Variants in GABRA5 observed in about 807,000 individuals in gnomAD.
GABRA5 encodes gamma-aminobutyric acid receptor subunit alpha-5.
Under a neutral mutation model 47.3 loss-of-function variants are expected in GABRA5, and 18 were observed. The observed-to-expected ratio is 0.38, with a 90% CI of 0.26 to 0.56. The LOEUF is 0.56. Among genes scored for constraint, GABRA5 ranks in the 20% least tolerant of loss-of-function variants. The pLI, the probability that GABRA5 is intolerant of heterozygous loss-of-function variation, is 0.71. For synonymous variants in GABRA5, 237 were observed against 229.3 expected, an observed-to-expected ratio of 1.03 and a Z score of -0.30; for missense variants, 365 against 599.3, an observed-to-expected ratio of 0.61 and a Z score of 4.08.
intron 3 of GABRA5, among the ~76,000 whole-genome samples, chr15:26,870,698 G>A (rs771996431): frequency 7.9e-5 from 12 of 152,134 alleles, no homozygotes; most frequent in Admixed American, 2.0e-4. Context: ...CAAGTTCTCT[G>A]CAGCTGCCAA....
intron 3 of GABRA5, among the ~76,000 whole-genome samples, chr15:26,871,673 A>T (rs1035495192): frequency 6.6e-6 from 1 of 152,202 alleles, no homozygotes; most frequent in Middle Eastern, 3.4e-3. Flanking sequence ...TTTTTTATAC[A>T]GTTGGGATCA....
At chr15:26,893,379 A>AGTGTGTGTGTATTGTGT (rs1893076875) in intron 6 of GABRA5, among the ~76,000 whole-genome samples, 2 of 1,350 alleles carry the variant, frequency 1.5e-3, no homozygotes, top group African/African-American at 3.1e-3. Flanking sequence ...GTGTGGCGGG[A>AGTGTGTGTGTATTGTGT]CTATATGGAG....
At chr15:26,947,818 C>A in intron 10 of GABRA5, 116 bp from the exon 11 acceptor site, 1 of 900,340 alleles carries the variant, frequency 1.1e-6, no homozygotes, top group African/African-American at 1.7e-5. Flanking sequence ...GAGGAGGGCC[C>A]TCTCCCAGGC....
chr15:26,884,839 G>T (rs72712067), intron 6 of GABRA5, among the ~76,000 whole-genome samples: 7,578 of 152,314 alleles, frequency 0.05, 217 homozygotes, highest in African/African-American at 0.076. Flanking sequence ...TCATCCTGCT[G>T]CTGTGCACTT....
Position 26,880,827 on chromosome 15 carries a change from T to C in GABRA5, c.87-19T>C, listed in dbSNP as rs1227284687. On this transcript the variant is annotated intron_variant, in intron 3 of 10. Transcript: ENST00000335625. Reference sequence around the variant, plus strand: ...AAATAATATGTTTTAACGCTTCCTCTTGTTTCTCTTTTTAAAAGCTTTTCA... The same window carrying C: ...AAATAATATGTTTTAACGCTTCCTCCTGTTTCTCTTTTTAAAAGCTTTTCA... 1 of 1,610,696 alleles carries C rather than the reference T, an allele frequency of 6.2e-7. No homozygotes were observed. The highest frequency in any genetic ancestry group is 1.1e-5 in the South Asian group (1 of 90,756).
intron 6 of GABRA5, among the ~76,000 whole-genome samples, chr15:26,904,932 A>T (rs543820265): frequency 1.8e-4 from 28 of 152,138 alleles, no homozygotes; most frequent in Non-Finnish European, 3.5e-4. Flanking sequence ...CTTGCTTCCT[A>T]TTAGGATGTC....
chr15:26,945,750 C>T (rs891639000), intron 10 of GABRA5, among the ~76,000 whole-genome samples: 3 of 152,288 alleles, frequency 2.0e-5, no homozygotes, highest in South Asian at 2.1e-4. Context: ...GATTCCAGGG[C>T]GCGTGTAAAT....
intron 6 of GABRA5, among the ~76,000 whole-genome samples, chr15:26,913,791 T>C (rs896180332): frequency 1.3e-5 from 2 of 152,090 alleles, no homozygotes; most frequent in African/African-American, 4.8e-5. Context: ...GTGTGGCGGC[T>C]CTGGGAGTGC....
chr15:26,906,775 G>A (rs1437162639), intron 6 of GABRA5, among the ~76,000 whole-genome samples: 4 of 151,926 alleles, frequency 2.6e-5, no homozygotes, highest in Admixed American at 6.6e-5. Flanking sequence ...GTGTGTAGAC[G>A]CACATAACAA....
At chr15:26,927,270 ATTTT>A (rs11400477) in intron 7 of GABRA5, among the ~76,000 whole-genome samples, 2 of 142,222 alleles carry the variant, frequency 1.4e-5, no homozygotes, top group Non-Finnish European at 3.1e-5. Context: ...TGTCCAGCTA[ATTTT>A]TTTTTTTTTT....
At chr15:26,897,127 T>C (rs950376360) in intron 6 of GABRA5, among the ~76,000 whole-genome samples, 2 of 152,054 alleles carry the variant, frequency 1.3e-5, no homozygotes, top group Non-Finnish European at 1.5e-5. Context: ...AGAGAATACA[T>C]GAGCGTGAAT....
Position 26,937,336 on chromosome 15 carries a change from C to G in GABRA5, c.724+8C>G, listed in dbSNP as rs377729786. ...ACATCAGCACCAGCACAGGTGAGGG[C>G]TCGGCACGCGCTGTGCTGCCAGGCG... On this transcript the variant is annotated splice_region_variant and intron_variant, in intron 8 of 10. Transcript: ENST00000335625. 3.1e-6 allele frequency: 5 copies of G among 1,600,782 alleles called. No individual in the cohort carries two copies. Among genetic ancestry groups the G allele is most frequent in the Non-Finnish European group, 3.4e-6 (4 of 1,173,526 alleles).
At chr15:26,914,910 C>T (rs746525162) in intron 7 of GABRA5, 25 bp downstream of exon 7, 53 of 1,580,868 alleles carry the variant, frequency 3.4e-5, no homozygotes, top group Non-Finnish European at 4.5e-5. Flanking sequence ...CAAGTAAGAG[C>T]CTTGGACATA....
intron 6 of GABRA5, among the ~76,000 whole-genome samples, chr15:26,891,980 G>C (rs886612334): frequency 6.6e-6 from 1 of 152,222 alleles, no homozygotes; most frequent in African/African-American, 2.4e-5. Flanking sequence ...TTGGCCAAGC[G>C]CACCGGGTGG....
chr15:26,888,931 A>G (rs1455277310), intron 6 of GABRA5, among the ~76,000 whole-genome samples: 5 of 152,214 alleles, frequency 3.3e-5, no homozygotes, highest in African/African-American at 9.6e-5. Context: ...CTCTGCCTGC[A>G]CCACGTGGTT....
At chr15:26,936,048 G>A (rs1322695693) in intron 7 of GABRA5, among the ~76,000 whole-genome samples, 2 of 152,116 alleles carry the variant, frequency 1.3e-5, no homozygotes, top group African/African-American at 2.4e-5. Flanking sequence ...TGCTGTTCAC[G>A]TGATAGTGAG....
At chr15:26,929,519 T>G (rs1336024448) in intron 7 of GABRA5, among the ~76,000 whole-genome samples, 1 of 152,186 alleles carries the variant, frequency 6.6e-6, no homozygotes, top group Non-Finnish European at 1.5e-5. Context: ...GGGGATCCCC[T>G]GCCCCTGTAG....
chr15:26,910,461 G>C (rs1241949294), intron 6 of GABRA5, among the ~76,000 whole-genome samples: 1 of 151,962 alleles, frequency 6.6e-6, no homozygotes, highest in South Asian at 2.1e-4. Flanking sequence ...TTAGGTGGGC[G>C]TGATTGCGGA....
At position 26,876,970 on chromosome 15, in the gene GABRA5, G is replaced by A. The variant is rs536722172; in HGVS notation, c.87-3876G>A. Among the ~76,000 whole-genome samples, 31 of 152,302 alleles carry A rather than the reference G, an allele frequency of 2.0e-4. 1 individual carries two copies. The South Asian group carries it at 5.8e-3, about 28-fold the overall frequency. ...TGGCTCTGGCCTGTGGGGCCATAGGGCTTGGGTTTTACCTTGTGGGCAGCA... is the reference window on the plus strand; with the variant it reads ...TGGCTCTGGCCTGTGGGGCCATAGGACTTGGGTTTTACCTTGTGGGCAGCA... On this transcript the variant is annotated intron_variant, in intron 3 of 10. Transcript: ENST00000335625.
Sources: gnomAD v4.1 joint callset for allele counts (sites outside exome capture counted in the v4.1 genomes callset) on GRCh38, gnomAD v4.1.1 for gene constraint, MANE v1.5 for transcripts, NCBI Gene and HGNC (gene_info 2026-07-23, HGNC 2026-07-21) for gene names.